The following SEPTIN12 variants were observed in gnomAD, a reference collection of about 807,000 sequenced individuals.
SEPTIN12 encodes septin-12.
In SEPTIN12, 42 loss-of-function variants were observed where a neutral mutation model predicts 37.7. That is an observed-to-expected ratio of 1.11 (90% CI 0.87 to 1.44). SEPTIN12 has a LOEUF of 1.44. Ranked by LOEUF, SEPTIN12 falls within the 40% of genes most tolerant of loss-of-function variation. The probability of loss-of-function intolerance (pLI) is 0.00; values close to 1 mark genes in which losing one functional copy is unlikely to be tolerated. For synonymous variants in SEPTIN12, 254 were observed against 196.7 expected, an observed-to-expected ratio of 1.29 and a Z score of -2.44; for missense variants, 613 against 479.2, an observed-to-expected ratio of 1.28 and a Z score of -2.61.
chr16:4,783,862 G>C (rs1205595298), intron 5 of SEPTIN12, 69 bp downstream of exon 5: 1 of 1,607,184 alleles, frequency 6.2e-7, no homozygotes, highest in Non-Finnish European at 8.5e-7. Context: ...GCAGCCCATG[G>C]TGGGGACCCC....
intron 7 of SEPTIN12, among the ~76,000 whole-genome samples, chr16:4,781,848 C>G (rs992149898): frequency 6.1e-5 from 9 of 148,758 alleles, no homozygotes; most frequent in African/African-American, 2.2e-4. Context: ...TTCTCCATGT[C>G]GGTCAGGCTG....
chr16:4,782,633 T>C (rs2082384295), intron 7 of SEPTIN12, among the ~76,000 whole-genome samples: 1 of 152,088 alleles, frequency 6.6e-6, no homozygotes, highest in Non-Finnish European at 1.5e-5. Context: ...GCTGGAGTTT[T>C]GCTCTTGTTG....
chr16:4,789,913 C>CTTTTTTTT (rs200769927), upstream of SEPTIN12: 1 of 144,452 alleles, frequency 6.9e-6, no homozygotes, highest in African/African-American at 2.6e-5. Context: ...TCTTTTCTTT[C>CTTTTTTTT]TTTTTTTTTT....
Position 4,783,753 on chromosome 16 carries a change from C to A in SEPTIN12, c.526G>T (p.Asp176Tyr). The change falls in exon 6 of 10, where the codon GAC (aspartate) becomes TAC (tyrosine). Residue 176 changes from aspartate (D) to tyrosine (Y), a missense_variant. Transcript: ENST00000268231. ...PPTGHCLRPL[D>Y]IEFLQRLCRT... ...CACAGCCGCTGCAGGAACTCAATGT[C>A]CAGGGGCCGCAGGCTGCCGGAGGCA... The A allele has an allele frequency of 6.2e-7, 1 of 1,613,838 alleles. No homozygotes were observed. The highest frequency in any genetic ancestry group is 1.1e-5 in the South Asian group (1 of 91,082).
At position 4,777,724 on chromosome 16, in the gene SEPTIN12, C is replaced by CT; in HGVS notation, c.*72dup. 1 of 1,074,778 alleles carries CT rather than the reference C, an allele frequency of 9.3e-7. No homozygotes were observed. The allele number at this position is 1,074,778 out of a possible 1,614,324, so 66.6% of individuals were successfully genotyped here. A position where few individuals can be genotyped will look rare whatever the true frequency, so the allele number is the denominator to read the frequency against. ...AAGCAAGGCTCACATTTAATAGATGCTCTGGTACATAGGTGTGTGTTGAGA... is the reference window on the plus strand; with the variant it reads ...AAGCAAGGCTCACATTTAATAGATGCTTCTGGTACATAGGTGTGTGTTGAGA... On this transcript the variant is annotated 3_prime_UTR_variant, in exon 10 of 10. Coordinates refer to ENST00000268231, the MANE Select transcript of SEPTIN12 (RefSeq NM_144605.5).
At chr16:4,787,397 C>A in intron 2 of SEPTIN12, 83 bp downstream of exon 2, 1 of 1,268,296 alleles carries the variant, frequency 7.9e-7, no homozygotes, top group Non-Finnish European at 1.1e-6. Flanking sequence ...GGAGGGGCGA[C>A]AGGCTGCCAA....
chr16:4,777,838 C>A lies in SEPTIN12; in HGVS notation c.1036G>T (p.Val346Phe). 3 of 1,592,020 alleles carry A rather than the reference C, an allele frequency of 1.9e-6. No individual in the cohort carries two copies. Among genetic ancestry groups the A allele is most frequent in the Non-Finnish European group, 1.7e-6 (2 of 1,170,070 alleles). Residue 346 changes from valine (V) to phenylalanine (F), a missense_variant, in exon 10 of 10, where the codon GTC becomes TTC. Val to Phe is a conservative substitution (Grantham distance 50, BLOSUM62 -1). Transcript: ENST00000268231. ...GAATCGTCATGGGCCCCCCTGCAGACCTTGAAGGTCCGGGGGGTGGTCAGC... is the reference window on the plus strand; with the variant it reads ...GAATCGTCATGGGCCCCCCTGCAGAACTTGAAGGTCCGGGGGGTGGTCAGC... ...GQLTTPRTFK[V>F]CRGAHDDSDD... is the part of the protein sequence containing the mutation.
chr16:4,790,772 G>C (rs1596264907), upstream of SEPTIN12, among the ~76,000 whole-genome samples: 1 of 152,198 alleles, frequency 6.6e-6, no homozygotes, highest in East Asian at 1.9e-4. Flanking sequence ...CTGGGCGACA[G>C]AGTAAGACCC....
chr16:4,778,387 C>T (rs991297377), intron 8 of SEPTIN12, among the ~76,000 whole-genome samples: 12 of 152,268 alleles, frequency 7.9e-5, no homozygotes, highest in Non-Finnish European at 1.2e-4. Flanking sequence ...TATGTACACT[C>T]GGCCTCTGTA....
upstream of SEPTIN12, among the ~76,000 whole-genome samples, chr16:4,791,370 C>A (rs374586112): frequency 6.6e-6 from 1 of 152,176 alleles, no homozygotes; most frequent in Non-Finnish European, 1.5e-5. Flanking sequence ...CACGTCAACA[C>A]GGCGATAATA....
chr16:4,785,431 G>C (rs2082426276), intron 4 of SEPTIN12, among the ~76,000 whole-genome samples: 1 of 151,646 alleles, frequency 6.6e-6, no homozygotes, highest in Non-Finnish European at 1.5e-5. Context: ...TGAAGGGGGA[G>C]GGGCACGGAC....
Position 4,783,629 on chromosome 16 carries a change from T to A in SEPTIN12, c.630+20A>T, listed in dbSNP as rs778490746. On this transcript the variant is annotated intron_variant, in intron 6 of 9. Coordinates refer to ENST00000268231, the MANE Select transcript of SEPTIN12 (RefSeq NM_144605.5). The stretch of plus-strand genomic sequence containing the variant: ...CCTCTGCCCCCGCTGACCCCAGCCC[T>A]GCCCGGGCATCCAGATCACCCTGCG... The A allele has an allele frequency of 1.2e-6, 2 of 1,612,526 alleles. No homozygotes were observed. The highest frequency in any genetic ancestry group is 2.7e-5 in the African/African-American group (2 of 74,904).
intron 2 of SEPTIN12, 97 bp from the exon 3 acceptor site, chr16:4,786,202 C>T: frequency 2.1e-6 from 3 of 1,430,598 alleles, no homozygotes; most frequent in South Asian, 2.8e-5. Flanking sequence ...GAGACAGGTT[C>T]TCACTCTGTC....
upstream of SEPTIN12, among the ~76,000 whole-genome samples, chr16:4,790,473 G>A (rs984889227): frequency 1.3e-5 from 2 of 152,092 alleles, 1 homozygote; most frequent in Admixed American, 1.3e-4. Context: ...CTCCTTCCTG[G>A]AGGCTTAACC....
intron 8 of SEPTIN12, among the ~76,000 whole-genome samples, chr16:4,779,187 C>T (rs956472948): frequency 9.3e-5 from 14 of 149,778 alleles, no homozygotes; most frequent in Admixed American, 5.3e-4. Flanking sequence ...GCTACATCCT[C>T]GCTGCCCCTC....
Position 4,785,872 on chromosome 16 carries a change from A to G in SEPTIN12, c.309T>C (p.Gly103=), listed in dbSNP as rs774700172. The G allele has an allele frequency of 3.9e-6, 6 of 1,539,518 alleles. No individual in the cohort carries two copies. In the South Asian group the frequency reaches 5.6e-5, roughly 14 times the overall value. The change falls in exon 4 of 10, where the codon GGT becomes GGC. Residue 103 remains glycine, a synonymous_variant. Transcript: ENST00000268231. ...HSLTHVIEEK[G]VKLKLTVTDT... ...CCGTCACCGTCAGCTTCAGCTTCACACCCTTCTCCTCTATGACTGTGGAGG... is the reference window on the plus strand; with the variant it reads ...CCGTCACCGTCAGCTTCAGCTTCACGCCCTTCTCCTCTATGACTGTGGAGG...
Position 4,783,477 on chromosome 16 carries a change from G to C in SEPTIN12, c.711C>G (p.Leu237=). ...CFDEDINDKI[L]NSKLRDRIPF... is the part of the protein sequence containing the mutation. ...AGCCTCTCACCCGTAACTTGCTGTTGAGGATTTTGTCATTGATGTCCTCGT... is the reference window on the plus strand; with the variant it reads ...AGCCTCTCACCCGTAACTTGCTGTTCAGGATTTTGTCATTGATGTCCTCGT... The change falls in exon 7 of 10, where the codon CTC becomes CTG. Residue 237 remains leucine (L), a synonymous_variant. Transcript: ENST00000268231. 1 of 1,614,000 alleles carries C rather than the reference G, an allele frequency of 6.2e-7. No homozygotes were observed. The highest frequency in any genetic ancestry group is 1.1e-5 in the South Asian group (1 of 91,072).
At position 4,783,434 on chromosome 16, in the gene SEPTIN12, G is replaced by A. The variant is rs145737959; in HGVS notation, c.726+28C>T. 7.4e-4 allele frequency: 1,157 copies of A among 1,555,502 alleles called. 22 individuals are homozygous for A. In the East Asian group the frequency reaches 0.024, roughly 32 times the overall value. Reference sequence around the variant, plus strand: ...GGATGTGTGGGAAGGAAATCACCTCGCCCGCCTCCCGCCCCACAGCCTCTC... The same window carrying A: ...GGATGTGTGGGAAGGAAATCACCTCACCCGCCTCCCGCCCCACAGCCTCTC... On this transcript the variant is annotated intron_variant, in intron 7 of 9. Transcript: ENST00000268231.
Position 4,777,927 on chromosome 16 carries a change from T to A in SEPTIN12, c.947A>T (p.Asn316Ile). The part of the protein sequence containing the change: ...HYENYRVIRL[N>I]ESHLLPRGPG... ...CCCGCGGGGCAGCAGGTGGCTTTCA[T>A]TGAGTCTGATGACGCGGTAGTTCTC... The change falls in exon 10 of 10, where the codon AAT becomes ATT. Residue 316 changes from asparagine to isoleucine, a missense_variant. By Grantham distance (149) the Asn-to-Ile change is moderately radical. Transcript: ENST00000268231. 1 of 1,606,812 alleles carries A rather than the reference T, an allele frequency of 6.2e-7. No homozygotes were observed. Among genetic ancestry groups the A allele is most frequent in the Non-Finnish European group, 8.5e-7 (1 of 1,177,078 alleles).
Sources: gnomAD v4.1 joint callset for allele counts (sites outside exome capture counted in the v4.1 genomes callset) on GRCh38, gnomAD v4.1.1 for gene constraint, MANE v1.5 for transcripts, NCBI Gene and HGNC (gene_info 2026-07-23, HGNC 2026-07-21) for gene names.